The following AGBL1 variants were observed in gnomAD, a reference collection of about 807,000 sequenced individuals.
AGBL1 encodes the protein cytosolic carboxypeptidase 4.
A neutral mutation model predicts 118.9 loss-of-function variants in AGBL1; 130 were observed. The ratio of observed to expected loss-of-function variants is 1.09; its 90% confidence interval spans 0.95 to 1.26. AGBL1 has a LOEUF of 1.26. Among genes scored for constraint, AGBL1 ranks in the 50% most tolerant of loss-of-function variants. The probability of loss-of-function intolerance (pLI) is 0.00; values close to 1 mark genes in which losing one functional copy is unlikely to be tolerated. For missense variants in AGBL1, 1,584 were observed against 1,298.1 expected, an observed-to-expected ratio of 1.22 and a Z score of -3.38; for synonymous variants, 555 against 478.9, an observed-to-expected ratio of 1.16 and a Z score of -2.08.
intron 24 of AGBL1, among the ~76,000 whole-genome samples, chr15:87,008,654 T>C (rs759981238): frequency 5.3e-4 from 80 of 152,246 alleles, no homozygotes; most frequent in Non-Finnish European, 1.0e-3. Context: ...CAGGAAAATG[T>C]GGAAAAGTTT....
At chr15:86,319,743 G>C (rs943984704) in intron 17 of AGBL1, among the ~76,000 whole-genome samples, 5 of 47,230 alleles carry the variant, frequency 1.1e-4, no homozygotes, top group African/African-American at 4.6e-4. Context: ...CTCTTTGGTA[G>C]TTTTTTTTTT....
chr15:86,659,176 A>G (rs1213142856), intron 21 of AGBL1, among the ~76,000 whole-genome samples: 1 of 152,102 alleles, frequency 6.6e-6, no homozygotes, highest in Non-Finnish European at 1.5e-5. Flanking sequence ...GAATTTACCT[A>G]CCTGTTCCAT....
In AGBL1 at chr15:87,028,893, C is replaced by A. The variant is rs376698148; in HGVS notation, c.*53C>A. Reference sequence around the variant, plus strand: ...TGAAGTTCATGCCATGTGCCCAGCTCCTCCTGGATCTGTGAGGAAATATCT... The same window carrying A: ...TGAAGTTCATGCCATGTGCCCAGCTACTCCTGGATCTGTGAGGAAATATCT... On this transcript the variant is annotated 3_prime_UTR_variant, in exon 25 of 25. Transcript: ENST00000441037. 2.8e-3 allele frequency: 4,415 copies of A among 1,558,222 alleles called. 14 individuals carry two copies. Among genetic ancestry groups the A allele is most frequent in the Non-Finnish European group, 3.6e-3 (4,048 of 1,131,596 alleles).
intron 18 of AGBL1, among the ~76,000 whole-genome samples, chr15:86,462,803 A>G (rs2082350877): frequency 6.6e-6 from 1 of 152,180 alleles, no homozygotes; most frequent in Admixed American, 6.5e-5. Context: ...CATGGTGTAT[A>G]TGCACCACAT....
chr15:86,742,780 A>T (rs1024554279), intron 22 of AGBL1, among the ~76,000 whole-genome samples: 25 of 152,128 alleles, frequency 1.6e-4, no homozygotes, highest in African/African-American at 6.0e-4. Context: ...AAGTCTCCTT[A>T]TGCAGAATAA....
chr15:86,754,359 G>A (rs564493838), intron 22 of AGBL1, among the ~76,000 whole-genome samples: 1 of 152,086 alleles, frequency 6.6e-6, no homozygotes, highest in African/African-American at 2.4e-5. Flanking sequence ...GGAACTCAAG[G>A]GTACCAAGGA....
At chr15:86,849,863 G>A (rs2079380263) in intron 22 of AGBL1, among the ~76,000 whole-genome samples, 1 of 152,238 alleles carries the variant, frequency 6.6e-6, no homozygotes, top group South Asian at 2.1e-4. Flanking sequence ...GAAACAGAGT[G>A]AGTAAGGCCT....
chr15:86,395,535 A>G lies in AGBL1; in HGVS notation c.2375-1831A>G, dbSNP rs74815894. ...CAAATGCTATGGCCTCTTAGAGAAC[A>G]AGGACTATAATTTATTCAACTTTTT... On this transcript the variant is annotated intron_variant, in intron 17 of 22. Transcript: ENST00000614907. Among the ~76,000 whole-genome samples the G allele has an allele frequency of 2.8e-3, 433 of 152,160 alleles. 4 individuals carry two copies. Among genetic ancestry groups the G allele is most frequent in the African/African-American group, 9.8e-3 (409 of 41,534 alleles).
chr15:86,884,765 T>C (rs1275672369), intron 22 of AGBL1, among the ~76,000 whole-genome samples: 2 of 152,154 alleles, frequency 1.3e-5, no homozygotes, highest in African/African-American at 4.8e-5. Flanking sequence ...TGAGCTGAGA[T>C]TGCACCACTG....
At chr15:86,432,420 C>T (rs1041159251) in intron 18 of AGBL1, among the ~76,000 whole-genome samples, 5 of 152,210 alleles carry the variant, frequency 3.3e-5, no homozygotes, top group East Asian at 1.9e-4. Context: ...TGTAGAATGA[C>T]CCTTAATTAG....
chr15:86,278,793 C>G (rs1567174178), intron 15 of AGBL1, among the ~76,000 whole-genome samples: 1 of 152,314 alleles, frequency 6.6e-6, no homozygotes, highest in East Asian at 1.9e-4. Flanking sequence ...GTCTCAGCAT[C>G]AGTTGGCAGC....
intron 21 of AGBL1, among the ~76,000 whole-genome samples, chr15:86,591,100 CT>C (rs2084327919): frequency 6.6e-6 from 1 of 152,176 alleles, no homozygotes; most frequent in Admixed American, 6.5e-5. Context: ...TGATTTATCT[CT>C]CTTAACCTTG....
chr15:86,789,728 C>T (rs1420842498), intron 22 of AGBL1, among the ~76,000 whole-genome samples: 5 of 152,104 alleles, frequency 3.3e-5, no homozygotes, highest in Non-Finnish European at 5.9e-5. Context: ...TACTTAGAGA[C>T]CCCCTATGTT....
intron 24 of AGBL1, among the ~76,000 whole-genome samples, chr15:87,000,544 G>A (rs1453405185): frequency 2.6e-5 from 1 of 38,722 alleles, no homozygotes; most frequent in Admixed American, 2.2e-4. Flanking sequence ...TTGTAGATAT[G>A]CAGCGTTATT....
At chr15:86,088,665 G>A (rs541450688) in intron 1 of AGBL1, among the ~76,000 whole-genome samples, 4 of 152,318 alleles carry the variant, frequency 2.6e-5, no homozygotes, top group South Asian at 2.1e-4. Flanking sequence ...CTCAAAAAGC[G>A]TTGTGGAAAC....
chr15:86,351,111 T>C (rs2080618874), intron 17 of AGBL1, among the ~76,000 whole-genome samples: 1 of 152,184 alleles, frequency 6.6e-6, no homozygotes, highest in Admixed American at 6.5e-5. Context: ...AGGTAATTTA[T>C]AATAAACAGA....
rs9920635 is a variant in AGBL1, at chr15:86,470,189, A to G, written c.2556-52621A>G. Among the ~76,000 whole-genome samples, 519 of 152,228 alleles carry G rather than the reference A, an allele frequency of 3.4e-3. 2 individuals are homozygous for G. The highest frequency in any genetic ancestry group is 0.012 in the African/African-American group (503 of 41,568). On this transcript the variant is annotated intron_variant, in intron 18 of 22. Transcript: ENST00000614907. ...GTTTTTGCCTATGTTTCCTTCTAAT[A>G]GTTTTACAATTTTGGATCTGGATTT...
rs369996141 is a variant in AGBL1, at chr15:86,785,379, G to GTTT, written c.3158+110946_3158+110948dup. On this transcript the variant is annotated intron_variant, in intron 22 of 22. Transcript: ENST00000614907. ...CGGGTTCTTTTTTTTTTTTTTTTTT[G>GTTT]TTTTTGTTTTTTTGAGATGGAGTGT... is the stretch of plus-strand genomic sequence containing the variant. Among the ~76,000 whole-genome samples, 2 of 123,990 alleles carry GTTT rather than the reference G, an allele frequency of 1.6e-5. 1 individual carries two copies. Among genetic ancestry groups the GTTT allele is most frequent in the South Asian group, 5.2e-4 (2 of 3,824 alleles). The allele number at this position is 123,990 out of a possible 152,430, so 81.3% of individuals were successfully genotyped here.
At chr15:86,675,017 C>T (rs1387249329) in intron 22 of AGBL1, among the ~76,000 whole-genome samples, 1 of 152,156 alleles carries the variant, frequency 6.6e-6, no homozygotes, top group East Asian at 1.9e-4. Flanking sequence ...GAACCATTAT[C>T]CAAATGAGCC....
Sources: gnomAD v4.1 joint callset for allele counts (sites outside exome capture counted in the v4.1 genomes callset) on GRCh38, gnomAD v4.1.1 for gene constraint, MANE v1.5 for transcripts, NCBI Gene and HGNC (gene_info 2026-07-23, HGNC 2026-07-21) for gene names.